Variants in ZRANB3 observed in about 807,000 individuals in gnomAD.
The protein encoded by ZRANB3 is DNA annealing helicase and endonuclease ZRANB3.
A neutral mutation model predicts 133.8 loss-of-function variants in ZRANB3; 125 were observed. The ratio of observed to expected loss-of-function variants is 0.93; its 90% CI spans 0.81 to 1.08. The LOEUF (loss-of-function observed/expected upper bound fraction) is 1.08, where lower values mean the gene tolerates loss of function less well. Among genes scored for constraint, ZRANB3 ranks in the 50% least tolerant of loss-of-function variants. ZRANB3 has a pLI of 0.00. For synonymous variants in ZRANB3, 387 were observed against 432.7 expected, an observed-to-expected ratio of 0.89 and a Z score of 1.31; for missense variants, 1,229 against 1,275.5, an observed-to-expected ratio of 0.96 and a Z score of 0.56.
At chr2:135,313,715 T>A in intron 7 of ZRANB3, 110 bp from the exon 8 acceptor site, 1 of 612,054 alleles carries the variant, frequency 1.6e-6, no homozygotes, top group Non-Finnish European at 2.6e-6. Flanking sequence ...TAGAAAGATA[T>A]AAAAAGAAAA....
intron 2 of ZRANB3, among the ~76,000 whole-genome samples, chr2:135,403,707 G>A (rs1033319385): frequency 1.3e-5 from 2 of 152,146 alleles, no homozygotes; most frequent in South Asian, 2.1e-4. Flanking sequence ...CCCCCGAGTA[G>A]GGGCAGACTG....
chr2:135,363,200 G>A (rs1449392340), intron 3 of ZRANB3, among the ~76,000 whole-genome samples: 1 of 152,066 alleles, frequency 6.6e-6, no homozygotes, highest in African/African-American at 2.4e-5. Context: ...ACAGGATCTC[G>A]CACTGTTGCC....
intron 2 of ZRANB3, among the ~76,000 whole-genome samples, chr2:135,445,555 G>C (rs1360078590): frequency 6.6e-6 from 1 of 152,108 alleles, no homozygotes; most frequent in Non-Finnish European, 1.5e-5. Context: ...CAATGTTCTT[G>C]AGTACATAAT....
intron 2 of ZRANB3, among the ~76,000 whole-genome samples, chr2:135,485,143 ACAAAC>A (rs1188814847): frequency 7.0e-6 from 1 of 143,284 alleles, no homozygotes; most frequent in Non-Finnish European, 1.5e-5. Flanking sequence ...ACAAAACAAA[ACAAAC>A]AAAACAAAAC....
intron 2 of ZRANB3, among the ~76,000 whole-genome samples, chr2:135,403,321 C>T (rs1371537369): frequency 2.6e-5 from 4 of 152,196 alleles, no homozygotes; most frequent in African/African-American, 4.8e-5. Flanking sequence ...GCACCTGGCT[C>T]GGAGGGTCCT....
At chr2:135,405,647 G>A (rs556728409) in intron 2 of ZRANB3, among the ~76,000 whole-genome samples, 14 of 152,148 alleles carry the variant, frequency 9.2e-5, no homozygotes, top group Non-Finnish European at 1.9e-4. Context: ...AATCAAACTA[G>A]AACTCAGGAT....
At chr2:135,425,055 T>C (rs575465889) in intron 2 of ZRANB3, among the ~76,000 whole-genome samples, 1 of 152,270 alleles carries the variant, frequency 6.6e-6, no homozygotes, top group African/African-American at 2.4e-5. Flanking sequence ...GAGCAATGCC[T>C]ACAAATTCTG....
At chr2:135,301,263 G>A (rs1301797029) in intron 8 of ZRANB3, among the ~76,000 whole-genome samples, 3 of 149,548 alleles carry the variant, frequency 2.0e-5, no homozygotes, top group South Asian at 4.2e-4. Context: ...TCACCCCACC[G>A]CAACCTCTGC....
chr2:135,276,097 G>C (rs1680808133), intron 8 of ZRANB3, among the ~76,000 whole-genome samples: 1 of 151,978 alleles, frequency 6.6e-6, no homozygotes, highest in African/African-American at 2.4e-5. Flanking sequence ...TTTCAAAAAA[G>C]TTTATATATA....
At chr2:135,410,341 A>G (rs1456808157) in intron 2 of ZRANB3, among the ~76,000 whole-genome samples, 1 of 152,100 alleles carries the variant, frequency 6.6e-6, no homozygotes, top group African/African-American at 2.4e-5. Flanking sequence ...ACACAACTAC[A>G]AGCACCTAAT....
chr2:135,390,748 T>C, intron 3 of ZRANB3, 54 bp downstream of exon 3: 1 of 1,487,384 alleles, frequency 6.7e-7, no homozygotes, highest in Non-Finnish European at 9.0e-7. Context: ...TAGCAGACAC[T>C]AAAAACAAGC....
rs1488537126 is a variant in ZRANB3 at position 135,495,891 on chromosome 2, A to G, written c.161+8438T>C. On this transcript the variant is annotated intron_variant, in intron 2 of 20. Transcript: ENST00000264159. Reference sequence around the variant, plus strand: ...TATTTTATTAAATTAAATTATACTTAATTTTTTAAGCTAACAAGGAAATTT... The same window carrying G: ...TATTTTATTAAATTAAATTATACTTGATTTTTTAAGCTAACAAGGAAATTT... Among the ~76,000 whole-genome samples the G allele has an allele frequency of 2.6e-5, 4 of 152,188 alleles. No homozygotes were observed. The East Asian group carries it at 7.7e-4, about 29-fold the overall frequency.
chr2:135,255,142 C>CTAAACAATGTTTTAG (rs1679592363), intron 12 of ZRANB3, among the ~76,000 whole-genome samples: 1 of 152,152 alleles, frequency 6.6e-6, no homozygotes, highest in Non-Finnish European at 1.5e-5. Flanking sequence ...TTAGTCTCAG[C>CTAAACAATGTTTTAG]TCCTACACTA....
At chr2:135,280,619 A>AT (rs762644680) in intron 8 of ZRANB3, among the ~76,000 whole-genome samples, 7 of 151,554 alleles carry the variant, frequency 4.6e-5, no homozygotes, top group South Asian at 4.2e-4. Flanking sequence ...AATATTCATG[A>AT]TTTTTTTTTC....
intron 6 of ZRANB3, among the ~76,000 whole-genome samples, chr2:135,325,303 T>G (rs1683752704): frequency 6.6e-6 from 1 of 152,072 alleles, no homozygotes; most frequent in African/African-American, 2.4e-5. Context: ...ACATTGAAAA[T>G]TAATAAATGA....
At chr2:135,519,828 C>A (rs183450053) in intron 1 of ZRANB3, among the ~76,000 whole-genome samples, 1 of 152,108 alleles carries the variant, frequency 6.6e-6, no homozygotes, top group East Asian at 1.9e-4. Context: ...GGAGCATACA[C>A]ACGGGACTAA....
intron 15 of ZRANB3, among the ~76,000 whole-genome samples, chr2:135,223,535 C>A (rs1694637913): frequency 6.6e-6 from 1 of 151,828 alleles, no homozygotes. Context: ...ACCACGTTGG[C>A]CAGGCTGCTC....
rs903367646 is a variant in ZRANB3 at position 135,199,291 on chromosome 2, T to TG, written c.*1050_*1051insC. The stretch of plus-strand genomic sequence containing the variant: ...TGTATTTTGATAGTACGCTTAGTTT[T>TG]TTTTTTTGTTTGTTTGTTTGTTTGA... On this transcript the variant is annotated 3_prime_UTR_variant, in exon 21 of 21. Transcript: ENST00000264159. 10 of 149,466 alleles carry TG rather than the reference T, an allele frequency of 6.7e-5. No homozygotes were observed. The highest frequency in any genetic ancestry group is 2.0e-4 in the African/African-American group (8 of 40,542). 9.3% of individuals were successfully genotyped at this position (149,466 alleles called of 1,614,324 possible).
chr2:135,412,130 T>C (rs1688332060), intron 2 of ZRANB3, among the ~76,000 whole-genome samples: 2 of 152,302 alleles, frequency 1.3e-5, no homozygotes, highest in South Asian at 4.1e-4. Flanking sequence ...AAATTTTTGA[T>C]ATATACTTGC....
Sources: allele counts gnomAD v4.1 joint callset (sites outside exome capture counted in the v4.1 genomes callset), GRCh38; gene constraint gnomAD v4.1.1; transcripts MANE v1.5; gene names NCBI Gene and HGNC (gene_info 2026-07-23, HGNC 2026-07-21).